JAKMIP2: variants seen among roughly 807,000 people sequenced by gnomAD.
JAKMIP2 encodes janus kinase and microtubule-interacting protein 2.
A neutral mutation model predicts 115.0 loss-of-function variants in JAKMIP2; 25 were observed. The observed-to-expected ratio is 0.22, with a 90% confidence interval of 0.16 to 0.30. JAKMIP2 has a LOEUF of 0.30. Ranked by LOEUF, JAKMIP2 falls within the 10% of genes least tolerant of loss-of-function variation. The pLI is 1.00. For synonymous variants in JAKMIP2, 334 were observed against 343.6 expected (o/e 0.97, Z 0.31); for missense variants, 642 against 957.6 (o/e 0.67, Z 4.35).
intron 4 of JAKMIP2, among the ~76,000 whole-genome samples, chr5:147,648,903 G>A (rs1409622022): frequency 2.0e-5 from 3 of 152,316 alleles, no homozygotes; most frequent in Non-Finnish European, 4.4e-5. Flanking sequence ...ACAGAGGGGA[G>A]AGAGTAGGAG....
At chr5:147,620,764 G>GA in intron 17 of JAKMIP2, 21 bp from the exon 18 acceptor site, 1 of 1,567,158 alleles carries the variant, frequency 6.4e-7, no homozygotes, top group African/African-American at 1.4e-5. Flanking sequence ...GGGCCATATT[G>GA]ATAGAGTCAG....
intron 1 of JAKMIP2, among the ~76,000 whole-genome samples, chr5:147,767,119 CTGTT>C (rs1353849953): frequency 6.6e-6 from 1 of 152,146 alleles, no homozygotes; most frequent in South Asian, 2.1e-4. Context: ...ATTATATGCA[CTGTT>C]TGATGTACAG....
chr5:147,632,538 A>G (rs1030012601), intron 13 of JAKMIP2, 142 bp downstream of exon 13: 3 of 607,722 alleles, frequency 4.9e-6, no homozygotes, highest in Non-Finnish European at 8.6e-6. Context: ...AGTTGCCTCC[A>G]CTATATAATT....
At chr5:147,650,258 G>T in intron 4 of JAKMIP2, 80 bp downstream of exon 4, 1 of 878,808 alleles carries the variant, frequency 1.1e-6, no homozygotes, top group Non-Finnish European at 1.9e-6. Context: ...AACAAGAAAA[G>T]AGCTTAAGTA....
chr5:147,715,910 T>C (rs1561554947), intron 1 of JAKMIP2, among the ~76,000 whole-genome samples: 1 of 148,494 alleles, frequency 6.7e-6, no homozygotes, highest in Non-Finnish European at 1.5e-5. Flanking sequence ...TAGTTACATA[T>C]GTATACATGT....
intron 13 of JAKMIP2, among the ~76,000 whole-genome samples, chr5:147,631,852 C>CT (rs1303326390): frequency 6.6e-6 from 1 of 152,130 alleles, no homozygotes; most frequent in Non-Finnish European, 1.5e-5. Flanking sequence ...CGCTAACAGC[C>CT]TTTTGCATAT....
chr5:147,732,234 T>C (rs1015318708), intron 1 of JAKMIP2, among the ~76,000 whole-genome samples: 8 of 151,580 alleles, frequency 5.3e-5, no homozygotes, highest in Non-Finnish European at 1.2e-4. Flanking sequence ...GCACACTTAA[T>C]AGACTCTGTA....
At chr5:147,659,042 A>T (rs1758826759) in intron 3 of JAKMIP2, among the ~76,000 whole-genome samples, 1 of 151,244 alleles carries the variant, frequency 6.6e-6, no homozygotes, top group Non-Finnish European at 1.5e-5. Flanking sequence ...CCTTTCCAGG[A>T]GATTGGACGG....
intron 1 of JAKMIP2, among the ~76,000 whole-genome samples, chr5:147,760,404 GAA>G (rs71001455): frequency 0.046 from 6,219 of 135,756 alleles, 154 homozygotes; most frequent in South Asian, 0.12. Flanking sequence ...GGCAGTCAGT[GAA>G]AAAAAAAAAA....
chr5:147,595,764 G>T (rs1023634339), intron 21 of JAKMIP2, among the ~76,000 whole-genome samples: 1 of 152,056 alleles, frequency 6.6e-6, no homozygotes, highest in Admixed American at 6.6e-5. Flanking sequence ...AGTATTTATT[G>T]ATTGTTGACT....
chr5:147,742,080 C>T (rs928639927), intron 1 of JAKMIP2, among the ~76,000 whole-genome samples: 1 of 148,414 alleles, frequency 6.7e-6, no homozygotes, highest in East Asian at 2.0e-4. Flanking sequence ...TTATTTGCTA[C>T]TTTGATATTG....
chr5:147,745,114 G>A (rs558917626), intron 1 of JAKMIP2, among the ~76,000 whole-genome samples: 1 of 149,360 alleles, frequency 6.7e-6, no homozygotes, highest in East Asian at 2.0e-4. Context: ...TGTAGATTCT[G>A]TAAGATGCCA....
chr5:147,698,446 G>T (rs1752193127), intron 1 of JAKMIP2, among the ~76,000 whole-genome samples: 1 of 152,176 alleles, frequency 6.6e-6, no homozygotes, highest in Non-Finnish European at 1.5e-5. Context: ...GAGGACACAA[G>T]ATTTGGAGGG....
At chr5:147,743,710 T>G (rs1193072267) in intron 1 of JAKMIP2, among the ~76,000 whole-genome samples, 5 of 152,186 alleles carry the variant, frequency 3.3e-5, no homozygotes, top group Non-Finnish European at 2.9e-5. Context: ...CTCCTCTTGT[T>G]TTTGGTCTAG....
intron 1 of JAKMIP2, among the ~76,000 whole-genome samples, chr5:147,719,371 G>C (rs1753162724): frequency 7.4e-6 from 1 of 134,922 alleles, no homozygotes; most frequent in Non-Finnish European, 1.5e-5. Flanking sequence ...GGTCTGCTTG[G>C]TGCAGAGCTG....
chr5:147,702,530 G>GGA (rs1216667663), intron 1 of JAKMIP2, among the ~76,000 whole-genome samples: 13 of 137,130 alleles, frequency 9.5e-5, no homozygotes, highest in African/African-American at 3.0e-4. Context: ...AAGGAGGGAG[G>GGA]GAGAGAGAGA....
At chr5:147,753,883 T>C (rs1420383914) in intron 1 of JAKMIP2, among the ~76,000 whole-genome samples, 1 of 151,826 alleles carries the variant, frequency 6.6e-6, no homozygotes. Flanking sequence ...TACTTTTTGG[T>C]CTGGAACACT....
intron 1 of JAKMIP2, among the ~76,000 whole-genome samples, chr5:147,718,543 C>T (rs1753114971): frequency 6.6e-6 from 1 of 151,624 alleles, no homozygotes; most frequent in South Asian, 2.1e-4. Flanking sequence ...TTGGTCTATT[C>T]AGAGATTCAA....
chr5:147,716,554 G>A (rs1340328007), intron 1 of JAKMIP2, among the ~76,000 whole-genome samples: 1 of 152,016 alleles, frequency 6.6e-6, no homozygotes, highest in Non-Finnish European at 1.5e-5. Flanking sequence ...GTGTGAGATG[G>A]TATCTCATTG....
Sources: gnomAD v4.1 joint callset for allele counts (sites outside exome capture counted in the v4.1 genomes callset) on GRCh38, gnomAD v4.1.1 for gene constraint, MANE v1.5 for transcripts, NCBI Gene and HGNC (gene_info 2026-07-23, HGNC 2026-07-21) for gene names.